Variants in TRMT2B observed in about 807,000 individuals in gnomAD.
The protein encoded by TRMT2B is tRNA (uracil-5-)-methyltransferase homolog B.
In TRMT2B, 34 loss-of-function variants were observed where a neutral mutation model predicts 39.7. The ratio of observed to expected loss-of-function variants is 0.86; its 90% CI spans 0.65 to 1.14. The LOEUF (loss-of-function observed/expected upper bound fraction) is 1.14, where lower values mean the gene tolerates loss of function less well. TRMT2B is among the 50% of genes most tolerant of loss of function. The probability of loss-of-function intolerance (pLI) is 0.00; values close to 1 mark genes in which losing one functional copy is unlikely to be tolerated. For synonymous variants in TRMT2B, 132 were observed against 137.3 expected (o/e 0.96, Z 0.27); for missense variants, 318 against 377.2 (o/e 0.84, Z 1.30).
chrX:101,049,009 A>G (rs757065970), intron 2 of TRMT2B, among the ~76,000 whole-genome samples: 1 of 112,068 alleles, frequency 8.9e-6, no homozygotes, highest in East Asian at 2.8e-4. Flanking sequence ...ATGCCTCAAC[A>G]TCTCCAACCT....
At chrX:101,011,794 T>C (rs1036354773) in intron 13 of TRMT2B, among the ~76,000 whole-genome samples, 1 of 111,349 alleles carries the variant, frequency 9.0e-6, no homozygotes, top group Non-Finnish European at 1.9e-5. Context: ...CTCAGGAGGC[T>C]GAGGCGGGAG....
At chrX:101,039,486 TG>T (rs2088083277) in intron 4 of TRMT2B, among the ~76,000 whole-genome samples, 1 of 112,234 alleles carries the variant, frequency 8.9e-6, no homozygotes, top group African/African-American at 3.2e-5. Flanking sequence ...TCAAGGCTCA[TG>T]GGAAAAACAG....
the TRMT2B span, among the ~76,000 whole-genome samples, chrX:101,004,263 AAAC>A: frequency 0.27 from 28,106 of 105,583 alleles, 3,571 homozygotes; most frequent in African/African-American, 0.44. Flanking sequence ...GTTTTTGGGA[AAAC>A]AACAACAACA....
chrX:101,029,410 ATAAG>A (rs1234008128), intron 7 of TRMT2B, among the ~76,000 whole-genome samples: 1 of 111,259 alleles, frequency 9.0e-6, no homozygotes, highest in Non-Finnish European at 1.9e-5. Context: ...TTTCTCATAA[ATAAG>A]TAATAATTAA....
At chrX:100,990,512 A>G in the TRMT2B span, 76 of 1,085,556 alleles carry the variant, frequency 7.0e-5, no homozygotes, top group Non-Finnish European at 8.7e-5. Context: ...CACCTACTCT[A>G]ATATCACATC....
intron 2 of TRMT2B, among the ~76,000 whole-genome samples, chrX:101,050,826 A>G (rs62602422): frequency 0.52 from 56,772 of 109,443 alleles, 11,284 homozygotes; most frequent in African/African-American, 0.65. Context: ...GCCGGATCAC[A>G]AGGTCAGGAG....
chrX:100,988,859 T>TATATCATATATATATATATATATATG, the TRMT2B span, among the ~76,000 whole-genome samples: 1 of 90,369 alleles, frequency 1.1e-5, no homozygotes, highest in African/African-American at 5.3e-5. Context: ...CTCATATATA[T>TATATCATATATATATATATATATATG]ATATATATAT....
chrX:100,998,673 T>C, the TRMT2B span, among the ~76,000 whole-genome samples: 1 of 111,500 alleles, frequency 9.0e-6, no homozygotes, highest in African/African-American at 3.3e-5. Context: ...CTCCATGAGA[T>C]AAGTGCTATT....
chrX:101,021,903 G>T, intron 9 of TRMT2B, 65 bp downstream of exon 9: 1 of 833,862 alleles, frequency 1.2e-6, no homozygotes, highest in Non-Finnish European at 1.8e-6. Flanking sequence ...CAGCAACCCT[G>T]CATCAGCAAT....
At chrX:100,974,356 ATCTCTC>A in the TRMT2B span, among the ~76,000 whole-genome samples, 1 of 100,984 alleles carries the variant, frequency 9.9e-6, no homozygotes, top group Non-Finnish European at 2.0e-5. Context: ...CACATACTCT[ATCTCTC>A]TCTGTCTCTC....
chrX:100,981,129 G>C, the TRMT2B span, among the ~76,000 whole-genome samples: 2 of 111,558 alleles, frequency 1.8e-5, no homozygotes, highest in East Asian at 5.7e-4. Flanking sequence ...GCCCATCACA[G>C]CACCAGGACT....
chrX:100,987,569 C>G, the TRMT2B span: 22 of 1,205,268 alleles, frequency 1.8e-5, no homozygotes, highest in Non-Finnish European at 2.5e-5. Context: ...ACTGAGATGC[C>G]GCTATGAGAT....
At chrX:100,984,347 C>G in the TRMT2B span, among the ~76,000 whole-genome samples, 1 of 109,539 alleles carries the variant, frequency 9.1e-6, no homozygotes, top group East Asian at 2.8e-4. Flanking sequence ...CCATGTTGGC[C>G]AGGCTGGTCT....
intron 7 of TRMT2B, among the ~76,000 whole-genome samples, chrX:101,031,725 A>T: frequency 9.1e-6 from 1 of 110,453 alleles, no homozygotes; most frequent in South Asian, 3.8e-4. Context: ...AAAAAAAAAA[A>T]AGCAAATAGA....
chrX:100,997,512 G>A, the TRMT2B span, among the ~76,000 whole-genome samples: 1 of 111,634 alleles, frequency 9.0e-6, no homozygotes, highest in African/African-American at 3.3e-5. Flanking sequence ...AACATTTATA[G>A]ATTGGTTAGT....
Position 101,051,810 on chromosome X carries a change from T to TA in TRMT2B, c.-507+6dup. The stretch of plus-strand genomic sequence containing the variant: ...TTCCTTCGTAACCAATAAATCCTCT[T>TA]ACAAACCTGAGGCGGCAAACTAAAA... On this transcript the variant is annotated splice_region_variant and intron_variant, in intron 1 of 13. Coordinates refer to ENST00000372936, the MANE Select transcript of TRMT2B (RefSeq NM_024917.6). The TA allele has an allele frequency of 5.7e-6, 3 of 526,809 alleles. No individual in the cohort carries two copies. The highest frequency in any genetic ancestry group is 7.0e-6 in the Non-Finnish European group (3 of 431,138). 43.4% of individuals were successfully genotyped at this position (526,809 alleles called of 1,213,427 possible). A position where few individuals can be genotyped will look rare whatever the true frequency, so the allele number is the denominator to read the frequency against.
the TRMT2B span, among the ~76,000 whole-genome samples, chrX:100,982,499 AAATAAAT>A: frequency 9.2e-6 from 1 of 108,455 alleles, no homozygotes; most frequent in African/African-American, 3.4e-5. Context: ...ATAAATAAAT[AAATAAAT>A]AAAATGCTCT....
the TRMT2B span, among the ~76,000 whole-genome samples, chrX:100,992,580 C>CA: frequency 0.015 from 1,599 of 106,066 alleles, 47 homozygotes; most frequent in African/African-American, 0.052. Flanking sequence ...GATTCGGTCT[C>CA]AAAAAAAAAA....
intron 5 of TRMT2B, 169 bp from the exon 6 acceptor site, chrX:101,037,242 AG>A: frequency 2.3e-6 from 1 of 434,620 alleles, no homozygotes; most frequent in Non-Finnish European, 4.0e-6. Flanking sequence ...AGTCCATAGA[AG>A]GGGAGTTCCA....
Sources: gnomAD v4.1 joint callset for allele counts (sites outside exome capture counted in the v4.1 genomes callset) on GRCh38, gnomAD v4.1.1 for gene constraint, MANE v1.5 for transcripts, NCBI Gene and HGNC (gene_info 2026-07-23, HGNC 2026-07-21) for gene names.